The following PARD3 variants were observed in gnomAD, a reference collection of about 807,000 sequenced individuals.
The protein encoded by PARD3 is par-3 family cell polarity regulator, also known as partitioning defective 3 homolog.
PARD3 carries 75 observed loss-of-function variants against 155.4 expected under a neutral mutation model. The ratio of observed to expected loss-of-function variants is 0.48; its 90% CI spans 0.40 to 0.58. The LOEUF (loss-of-function observed/expected upper bound fraction) is 0.58. PARD3 is among the 20% of genes least tolerant of loss of function. The probability of loss-of-function intolerance (pLI) is 0.00; values close to 1 mark genes in which losing one functional copy is unlikely to be tolerated. For synonymous variants in PARD3, 576 were observed against 610.5 expected (o/e 0.94, Z 0.83); for missense variants, 1,642 against 1,721.7 (o/e 0.95, Z 0.82).
chr10:34,624,722 C>A (rs753738995), intron 2 of PARD3, among the ~76,000 whole-genome samples: 1 of 152,246 alleles, frequency 6.6e-6, no homozygotes, highest in Non-Finnish European at 1.5e-5. Flanking sequence ...CTCTGCAACG[C>A]AGATCCCCAA....
At chr10:34,684,346 T>C (rs555692222) in intron 2 of PARD3, among the ~76,000 whole-genome samples, 2 of 152,340 alleles carry the variant, frequency 1.3e-5, no homozygotes, top group Admixed American at 6.5e-5. Context: ...ATTTGGTACA[T>C]TGTTTTAAAC....
intron 22 of PARD3, among the ~76,000 whole-genome samples, chr10:34,219,458 C>T (rs59441337): frequency 6.6e-6 from 1 of 152,158 alleles, no homozygotes; most frequent in Non-Finnish European, 1.5e-5. Context: ...GTATGCACCC[C>T]CCTCTTAATT....
intron 22 of PARD3, among the ~76,000 whole-genome samples, chr10:34,146,288 A>T (rs1340149354): frequency 6.6e-6 from 1 of 152,174 alleles, no homozygotes; most frequent in African/African-American, 2.4e-5. Flanking sequence ...ATGCTTATAT[A>T]TTTTTTTAAG....
intron 22 of PARD3, among the ~76,000 whole-genome samples, chr10:34,261,768 G>T (rs148476860): frequency 1.5e-5 from 2 of 130,014 alleles, no homozygotes; most frequent in East Asian, 2.3e-4. Flanking sequence ...AAGGAAGGAA[G>T]GAAGAAAGAA....
At chr10:34,622,937 C>G (rs1196778331) in intron 2 of PARD3, among the ~76,000 whole-genome samples, 1 of 150,124 alleles carries the variant, frequency 6.7e-6, no homozygotes, top group Non-Finnish European at 1.5e-5. Context: ...TTTTCAGGAC[C>G]TTTTTCCCCA....
chr10:34,336,383 A>G (rs1836190625), intron 17 of PARD3, 140 bp from the exon 18 acceptor site: 1 of 597,926 alleles, frequency 1.7e-6, no homozygotes, highest in Non-Finnish European at 2.9e-6. Context: ...TCAAGCAAAC[A>G]TTCATAATCA....
At chr10:34,227,586 C>T (rs7911937) in intron 22 of PARD3, among the ~76,000 whole-genome samples, 3,723 of 152,076 alleles carry the variant, frequency 0.024, 152 homozygotes, top group African/African-American at 0.084. Context: ...TGCAGTGAGC[C>T]GAGATTGCGC....
rs186506551 is a variant in PARD3 at position 34,438,622 on chromosome 10, T to C, written c.714+11695A>G. 1.7e-3 allele frequency among the ~76,000 whole-genome samples: 265 copies of C among 152,164 alleles called. 2 individuals are homozygous for C. The highest frequency in any genetic ancestry group is 5.9e-3 in the African/African-American group (245 of 41,504). On this transcript the variant is annotated intron_variant, in intron 5 of 24. Transcript: ENST00000374788. ...TTCCTTTCAATTTATTGAAAGACTA[T>C]TTACCCAAAAGTATATAAGGGTTCA...
intron 1 of PARD3, among the ~76,000 whole-genome samples, chr10:34,810,744 T>C (rs1300892647): frequency 6.6e-6 from 1 of 152,190 alleles, no homozygotes; most frequent in African/African-American, 2.4e-5. Context: ...TATTGGTGAT[T>C]CCATTCATCT....
intron 22 of PARD3, among the ~76,000 whole-genome samples, chr10:34,149,276 AAC>A (rs770826154): frequency 1.2e-4 from 19 of 152,120 alleles, no homozygotes; most frequent in Admixed American, 6.5e-5. Context: ...AGAGGTTTGA[AAC>A]AGACTTCCCC....
At chr10:34,664,679 T>C (rs996957463) in intron 2 of PARD3, among the ~76,000 whole-genome samples, 1 of 151,902 alleles carries the variant, frequency 6.6e-6, no homozygotes, top group Admixed American at 6.6e-5. Context: ...AGAGACAGGG[T>C]TTCACCATGT....
chr10:34,646,275 A>C (rs1476460164), intron 2 of PARD3, among the ~76,000 whole-genome samples: 12 of 152,160 alleles, frequency 7.9e-5, no homozygotes, highest in Admixed American at 7.9e-4. Context: ...AAACAAACTC[A>C]ACTCCCTGAT....
chr10:34,521,163 A>G (rs1029305226), intron 2 of PARD3, among the ~76,000 whole-genome samples: 2 of 152,182 alleles, frequency 1.3e-5, no homozygotes, highest in African/African-American at 4.8e-5. Context: ...ATTAGTTTCA[A>G]TAATTATCTC....
intron 2 of PARD3, among the ~76,000 whole-genome samples, chr10:34,543,967 G>A (rs1449260976): frequency 6.6e-6 from 1 of 152,196 alleles, no homozygotes; most frequent in African/African-American, 2.4e-5. Flanking sequence ...TTACATTAGT[G>A]AAGCTTAATT....
At chr10:34,346,651 G>A (rs4934629) in intron 15 of PARD3, among the ~76,000 whole-genome samples, 84,856 of 151,848 alleles carry the variant, frequency 0.56, 24,715 homozygotes, top group African/African-American at 0.73. Context: ...GCAAAGATTT[G>A]AAAGTGATAA....
At chr10:34,403,496 A>G (rs1844118185) in intron 5 of PARD3, among the ~76,000 whole-genome samples, 1 of 152,236 alleles carries the variant, frequency 6.6e-6, no homozygotes, top group Non-Finnish European at 1.5e-5. Flanking sequence ...TTGAAGAGAT[A>G]GTAAGAGACG....
rs565897663 is a variant in PARD3 at position 34,479,631 on chromosome 10, T to A, written c.404-9368A>T. On this transcript the variant is annotated intron_variant, in intron 3 of 24. Coordinates refer to ENST00000374788, the MANE Select transcript of PARD3 (RefSeq NM_001184785.2). ...GCCCCTACAGCCACTGCCGGTGCCCTGTAGCCTGTCCACACAGACAGCTCC... is the reference window on the plus strand; with the variant it reads ...GCCCCTACAGCCACTGCCGGTGCCCAGTAGCCTGTCCACACAGACAGCTCC... Among the ~76,000 whole-genome samples, 3 of 152,324 alleles carry A rather than the reference T, an allele frequency of 2.0e-5. No homozygotes were observed. In the East Asian group the frequency reaches 5.8e-4, roughly 29 times the overall value.
intron 23 of PARD3, among the ~76,000 whole-genome samples, chr10:34,123,771 TTAAA>T (rs1947131284): frequency 1.3e-5 from 2 of 151,840 alleles, no homozygotes; most frequent in African/African-American, 4.8e-5. Context: ...TTTCTCTTAA[TTAAA>T]TAAAATCATT....
chr10:34,284,231 C>G lies in PARD3; in HGVS notation c.3080G>C (p.Arg1027Pro). 6.2e-7 allele frequency: 1 copy of G among 1,605,022 alleles called. No individual in the cohort carries two copies. Among genetic ancestry groups the G allele is most frequent in the South Asian group, 1.1e-5 (1 of 89,624 alleles). Residue 1027 changes from arginine (R) to proline (P), a missense_variant, in exon 21 of 25, where the codon CGA becomes CCA. Around this residue, in one of 3 missense-constraint regions of PARD3, gnomAD observed 1,529 missense variants for 1,587.3 expected, o/e 0.96. Coordinates refer to ENST00000374788, the MANE Select transcript of PARD3 (RefSeq NM_001184785.2). ...LGDMFRFGKHRKDDKIEKTGK... is the reference protein window; with the variant it reads ...LGDMFRFGKHPKDDKIEKTGK... Reference sequence around the variant, plus strand: ...CGTTTTCTCAATCTTGTCATCTTTTCGATGTTTGCCAAACCTGTTAATAAC... The same window carrying G: ...CGTTTTCTCAATCTTGTCATCTTTTGGATGTTTGCCAAACCTGTTAATAAC...
Sources: allele counts gnomAD v4.1 joint callset (sites outside exome capture counted in the v4.1 genomes callset), GRCh38; gene constraint gnomAD v4.1.1; regional missense constraint gnomAD v4.1.1; transcripts MANE v1.5; gene names NCBI Gene and HGNC (gene_info 2026-07-23, HGNC 2026-07-21).